Variants in CFAP299 observed in about 807,000 individuals in gnomAD.
CFAP299 encodes cilia and flagella associated protein 299.
In CFAP299, 21 loss-of-function variants were observed where a neutral mutation model predicts 27.0. The observed-to-expected ratio is 0.78, with a 90% confidence interval of 0.55 to 1.12. The LOEUF is 1.12. Ranked by LOEUF, CFAP299 falls within the 50% of genes most tolerant of loss-of-function variation. CFAP299 has a pLI of 0.00. For synonymous variants in CFAP299, 104 were observed against 98.1 expected, an observed-to-expected ratio of 1.06 and a Z score of -0.36; for missense variants, 310 against 276.6, an observed-to-expected ratio of 1.12 and a Z score of -0.86.
intron 3 of CFAP299, among the ~76,000 whole-genome samples, chr4:80,634,014 T>G (rs1042843780): frequency 1.4e-5 from 2 of 142,488 alleles, no homozygotes; most frequent in Non-Finnish European, 3.0e-5. Flanking sequence ...TTACGAAATC[T>G]AGCTCTGTCG....
At chr4:80,693,920 T>G (rs1021806550) in intron 3 of CFAP299, among the ~76,000 whole-genome samples, 1 of 151,958 alleles carries the variant, frequency 6.6e-6, no homozygotes, top group Non-Finnish European at 1.5e-5. Flanking sequence ...TTCATTAAAC[T>G]CAGTAGATTA....
intron 3 of CFAP299, among the ~76,000 whole-genome samples, chr4:80,684,278 G>A (rs907912249): frequency 4.6e-5 from 7 of 151,168 alleles, no homozygotes; most frequent in Non-Finnish European, 7.4e-5. Context: ...TTTTTTTGGG[G>A]GGGGGGGACG....
chr4:80,722,137 G>A (rs1722855068), intron 3 of CFAP299, among the ~76,000 whole-genome samples: 1 of 152,176 alleles, frequency 6.6e-6, no homozygotes, highest in Non-Finnish European at 1.5e-5. Context: ...AAATAATCGA[G>A]CCAGGCTCAG....
At chr4:80,903,773 A>G (rs1474757376) in intron 4 of CFAP299, among the ~76,000 whole-genome samples, 1 of 152,124 alleles carries the variant, frequency 6.6e-6, no homozygotes, top group African/African-American at 2.4e-5. Flanking sequence ...TATTCAATGG[A>G]ACACATTAAT....
chr4:80,844,714 C>T (rs1474836114), intron 3 of CFAP299, among the ~76,000 whole-genome samples: 6 of 152,130 alleles, frequency 3.9e-5, no homozygotes, highest in Non-Finnish European at 7.3e-5. Context: ...TGCCTGTTCA[C>T]TCTGATGGTA....
intron 4 of CFAP299, among the ~76,000 whole-genome samples, chr4:80,939,045 GA>G (rs1737062853): frequency 6.6e-6 from 1 of 152,140 alleles, no homozygotes; most frequent in African/African-American, 2.4e-5. Flanking sequence ...TATTTGGGGA[GA>G]GGGGAATGTT....
chr4:80,740,302 GGAA>G (rs1305971366), intron 3 of CFAP299, among the ~76,000 whole-genome samples: 1 of 152,156 alleles, frequency 6.6e-6, no homozygotes, highest in African/African-American at 2.4e-5. Flanking sequence ...GTCCTTCTTA[GGAA>G]GGCTTTCCAG....
At chr4:80,548,877 G>A (rs577904355) in intron 2 of CFAP299, among the ~76,000 whole-genome samples, 10 of 152,226 alleles carry the variant, frequency 6.6e-5, no homozygotes, top group African/African-American at 2.2e-4. Flanking sequence ...GTCAGTAAGG[G>A]CTTTATGAGG....
chr4:80,710,469 T>C (rs1324173014), intron 3 of CFAP299, among the ~76,000 whole-genome samples: 1 of 135,444 alleles, frequency 7.4e-6, no homozygotes, highest in Non-Finnish European at 1.6e-5. Context: ...AACGTGGGCT[T>C]TCTTTTTCTT....
intron 3 of CFAP299, among the ~76,000 whole-genome samples, chr4:80,766,832 C>G (rs949899444): frequency 6.6e-6 from 1 of 152,168 alleles, no homozygotes; most frequent in African/African-American, 2.4e-5. Flanking sequence ...AAGCCATTGT[C>G]TCATTTAACT....
chr4:80,697,650 T>G (rs1052510757), intron 3 of CFAP299, among the ~76,000 whole-genome samples: 3 of 152,322 alleles, frequency 2.0e-5, no homozygotes, highest in Middle Eastern at 6.8e-3. Context: ...GGCCATCTCT[T>G]AGTTCTTTTG....
At chr4:80,644,721 CT>C in intron 3 of CFAP299, among the ~76,000 whole-genome samples, 1 of 152,214 alleles carries the variant, frequency 6.6e-6, no homozygotes, top group South Asian at 2.1e-4. Context: ...TTTGCATACT[CT>C]TTAGAAGAAT....
At chr4:80,570,282 A>C (rs965026152) in intron 2 of CFAP299, among the ~76,000 whole-genome samples, 1 of 152,044 alleles carries the variant, frequency 6.6e-6, no homozygotes, top group Non-Finnish European at 1.5e-5. Flanking sequence ...ATTTTGATAT[A>C]TTGGTATATA....
At chr4:80,551,044 A>G (rs964800139) in intron 2 of CFAP299, among the ~76,000 whole-genome samples, 1 of 152,188 alleles carries the variant, frequency 6.6e-6, no homozygotes, top group Non-Finnish European at 1.5e-5. Context: ...TGAAACATTC[A>G]TGCCAATATT....
intron 2 of CFAP299, among the ~76,000 whole-genome samples, chr4:80,465,091 T>C (rs1253835535): frequency 6.6e-6 from 1 of 152,198 alleles, no homozygotes; most frequent in African/African-American, 2.4e-5. Flanking sequence ...TAGAATATAA[T>C]TCTTCTGTGT....
chr4:80,420,337 G>C (rs1445359106), intron 2 of CFAP299: 1 of 406,436 alleles, frequency 2.5e-6, no homozygotes, highest in Non-Finnish European at 5.1e-6. Flanking sequence ...AGTTTGCAGG[G>C]ATGCTTCTGT....
At chr4:80,526,093 C>G (rs1356646502) in intron 2 of CFAP299, among the ~76,000 whole-genome samples, 1 of 152,084 alleles carries the variant, frequency 6.6e-6, no homozygotes, top group African/African-American at 2.4e-5. Context: ...ACAGTACATA[C>G]ATGCACTATT....
intron 3 of CFAP299, among the ~76,000 whole-genome samples, chr4:80,775,070 AT>A (rs1193168590): frequency 8.2e-4 from 121 of 146,814 alleles, no homozygotes; most frequent in African/African-American, 2.9e-3. Flanking sequence ...AAATAAAAAA[AT>A]AAAAAAAAAA....
intron 3 of CFAP299, among the ~76,000 whole-genome samples, chr4:80,837,620 CT>C (rs2110136276): frequency 6.6e-6 from 1 of 152,260 alleles, no homozygotes. Context: ...TGAACTCATT[CT>C]TTTTTATGGC....
Sources: gnomAD v4.1 joint callset for allele counts (sites outside exome capture counted in the v4.1 genomes callset) on GRCh38, gnomAD v4.1.1 for gene constraint, MANE v1.5 for transcripts, NCBI Gene and HGNC (gene_info 2026-07-23, HGNC 2026-07-21) for gene names.